The following ICE2 variants were observed in gnomAD, a reference collection of about 807,000 sequenced individuals.
ICE2 encodes the protein interactor of little elongation complex ELL subunit 2, also known as little elongation complex subunit 2.
ICE2 carries 87 observed loss-of-function variants against 105.4 expected under a neutral mutation model. That is an observed-to-expected ratio of 0.83 (90% CI 0.69 to 0.99). ICE2 has a LOEUF of 0.99. Ranked by LOEUF, ICE2 falls within the 50% of genes least tolerant of loss-of-function variation. ICE2 has a pLI of 0.00. For missense variants in ICE2, 1,323 were observed against 1,146.7 expected, an observed-to-expected ratio of 1.15 and a Z score of -2.22; for synonymous variants, 399 against 392.0, an observed-to-expected ratio of 1.02 and a Z score of -0.21.
Position 60,449,643 on chromosome 15 carries a change from C to T in ICE2, c.1324G>A (p.Val442Met). 6.2e-7 allele frequency: 1 copy of T among 1,614,096 alleles called. No individual in the cohort carries two copies. The highest frequency in any genetic ancestry group is 8.5e-7 in the Non-Finnish European group (1 of 1,180,018). ...GAAATGTCTGGTGCACTTGGTGCCA[C>T]AGTTGTAGTTCCTGCTTTGGGGGCT... The part of the protein sequence containing the change: ...PTAPKAGTTT[V>M]APSAPDISAN... The change falls in exon 10 of 16, where the codon GTG becomes ATG. Residue 442 changes from valine (V) to methionine (M), a missense_variant. By Grantham distance (21) the Val-to-Met change is conservative. Transcript: ENST00000261520.
chr15:60,469,873 A>G (rs1354598846), intron 3 of ICE2, among the ~76,000 whole-genome samples: 4 of 152,208 alleles, frequency 2.6e-5, no homozygotes, highest in African/African-American at 9.6e-5. Context: ...TCCTTATCTT[A>G]TTCATAATCC....
chr15:60,434,014 T>C (rs66478217), intron 13 of ICE2, among the ~76,000 whole-genome samples: 10,572 of 152,212 alleles, frequency 0.069, 433 homozygotes, highest in Middle Eastern at 0.12. Flanking sequence ...ACTATGCGGC[T>C]AGTAGAAGTC....
chr15:60,427,445 G>A (rs1220592693), intron 15 of ICE2, among the ~76,000 whole-genome samples: 2 of 152,148 alleles, frequency 1.3e-5, no homozygotes, highest in East Asian at 3.9e-4. Context: ...TTTTGAGACA[G>A]AGTCTCGTTC....
At chr15:60,432,988 G>C (rs1010524670) in intron 13 of ICE2, among the ~76,000 whole-genome samples, 13 of 152,164 alleles carry the variant, frequency 8.5e-5, no homozygotes, top group Non-Finnish European at 1.5e-4. Context: ...AGAGATGGTG[G>C]TGAATGAGCT....
chr15:60,424,734 G>C (rs1358550563), intron 15 of ICE2, among the ~76,000 whole-genome samples: 1 of 152,164 alleles, frequency 6.6e-6, no homozygotes, highest in Non-Finnish European at 1.5e-5. Flanking sequence ...TGGAATTCCT[G>C]ACCTCAAGTG....
At chr15:60,436,338 A>C in intron 12 of ICE2, 111 bp from the exon 13 acceptor site, 1 of 448,774 alleles carries the variant, frequency 2.2e-6, no homozygotes, top group Non-Finnish European at 4.0e-6. Flanking sequence ...AACTGTGAAG[A>C]AATTTTACAT....
intron 3 of ICE2, among the ~76,000 whole-genome samples, chr15:60,470,773 A>T (rs1428735302): frequency 1.3e-5 from 2 of 152,190 alleles, no homozygotes; most frequent in Non-Finnish European, 2.9e-5. Context: ...GCAGTAGTCT[A>T]TGAGTTTAAA....
intron 11 of ICE2, among the ~76,000 whole-genome samples, chr15:60,446,308 C>T (rs2063820656): frequency 6.6e-6 from 1 of 152,218 alleles, no homozygotes; most frequent in South Asian, 2.1e-4. Context: ...ACAAAGTGTA[C>T]ATCCTGGATC....
intron 9 of ICE2, chr15:60,451,767 G>T: frequency 3.6e-6 from 1 of 274,974 alleles, no homozygotes; most frequent in Non-Finnish European, 5.5e-6. Flanking sequence ...GAAAACTGAA[G>T]TTTTCCTTTT....
At chr15:60,459,326 A>G (rs2064210712) in intron 5 of ICE2, among the ~76,000 whole-genome samples, 1 of 152,218 alleles carries the variant, frequency 6.6e-6, no homozygotes, top group Non-Finnish European at 1.5e-5. Context: ...ATTAGACAAC[A>G]CATTTTTCAA....
At position 60,476,176 on chromosome 15, in the gene ICE2, C is replaced by T; in HGVS notation, c.42-9G>A. On this transcript the variant is annotated splice_polypyrimidine_tract_variant and intron_variant, in intron 2 of 15. Transcript: ENST00000261520. Reference sequence around the variant, plus strand: ...TTTTGGGGGAAATATCCCTGTGAAACAAAGTAATTTACTTACATTTGACAA... The same window carrying T: ...TTTTGGGGGAAATATCCCTGTGAAATAAAGTAATTTACTTACATTTGACAA... 6.5e-7 allele frequency: 1 copy of T among 1,534,784 alleles called. No individual in the cohort carries two copies. Among genetic ancestry groups the T allele is most frequent in the Non-Finnish European group, 8.9e-7 (1 of 1,118,114 alleles).
intron 3 of ICE2, among the ~76,000 whole-genome samples, chr15:60,470,782 A>G (rs539706878): frequency 6.6e-6 from 1 of 152,170 alleles, no homozygotes; most frequent in Non-Finnish European, 1.5e-5. Context: ...TATGAGTTTA[A>G]ATATTAAAAA....
intron 5 of ICE2, among the ~76,000 whole-genome samples, chr15:60,462,276 G>C (rs552384053): frequency 6.6e-6 from 1 of 152,288 alleles, no homozygotes; most frequent in African/African-American, 2.4e-5. Context: ...TAACAGCTGG[G>C]GTGGTGGGGA....
intron 12 of ICE2, among the ~76,000 whole-genome samples, chr15:60,436,979 G>GA: frequency 6.6e-6 from 1 of 152,194 alleles, no homozygotes; most frequent in South Asian, 2.1e-4. Context: ...TAGACTGGGT[G>GA]TGGTGGCTCA....
chr15:60,447,188 G>A (rs1188312673), intron 11 of ICE2, among the ~76,000 whole-genome samples: 14 of 152,118 alleles, frequency 9.2e-5, no homozygotes, highest in Admixed American at 9.2e-4. Flanking sequence ...TAACAGTCCT[G>A]AAAAGACCTT....
chr15:60,429,609 G>T (rs910415237), intron 14 of ICE2, among the ~76,000 whole-genome samples: 3 of 152,004 alleles, frequency 2.0e-5, no homozygotes, highest in Non-Finnish European at 2.9e-5. Flanking sequence ...GGAGAACATC[G>T]GTTCTTTACA....
At chr15:60,475,440 A>G (rs1055830735) in intron 3 of ICE2, among the ~76,000 whole-genome samples, 2 of 152,096 alleles carry the variant, frequency 1.3e-5, no homozygotes, top group African/African-American at 4.8e-5. Flanking sequence ...AAATTCACCA[A>G]TATATTGTTT....
intron 13 of ICE2, among the ~76,000 whole-genome samples, chr15:60,435,447 A>T (rs562794074): frequency 6.6e-6 from 1 of 151,610 alleles, no homozygotes; most frequent in South Asian, 2.1e-4. Flanking sequence ...TAAAAATACA[A>T]AATTAGCCAG....
intron 11 of ICE2, among the ~76,000 whole-genome samples, chr15:60,446,275 C>G (rs1360345153): frequency 6.6e-6 from 1 of 152,188 alleles, no homozygotes; most frequent in African/African-American, 2.4e-5. Flanking sequence ...ACAAGTTCCA[C>G]CAAGTCCACT....
Sources: gnomAD v4.1 joint callset for allele counts (sites outside exome capture counted in the v4.1 genomes callset) on GRCh38, gnomAD v4.1.1 for gene constraint, MANE v1.5 for transcripts, NCBI Gene and HGNC (gene_info 2026-07-23, HGNC 2026-07-21) for gene names.